The following NLK variants were observed in gnomAD, a reference collection of about 807,000 sequenced individuals.
NLK encodes the protein nemo like kinase.
Under a neutral mutation model 59.0 loss-of-function variants are expected in NLK, and 11 were observed. That is an observed-to-expected ratio of 0.19 (90% CI 0.12 to 0.31). The LOEUF (loss-of-function observed/expected upper bound fraction) is 0.31, where lower values mean the gene tolerates loss of function less well. NLK is among the 10% of genes least tolerant of loss of function. The probability of loss-of-function intolerance (pLI) is 1.00; values close to 1 mark genes in which losing one functional copy is unlikely to be tolerated. For synonymous variants in NLK, 235 were observed against 235.9 expected (o/e 1.00, Z 0.03); for missense variants, 410 against 661.1 (o/e 0.62, Z 4.16).
At chr17:28,201,135 A>G (rs1239954266), downstream of NLK, among the ~76,000 whole-genome samples, 1 of 152,156 alleles carries the variant, frequency 6.6e-6, no homozygotes, top group Non-Finnish European at 1.5e-5. Flanking sequence ...ACTGGCATGC[A>G]GTGGGTGTGA....
chr17:28,056,947 CTTTTTTTTTTTTT>C (rs934652705), intron 1 of NLK, among the ~76,000 whole-genome samples: 1 of 86,872 alleles, frequency 1.2e-5, no homozygotes, highest in African/African-American at 4.6e-5. Flanking sequence ...CATTACCTAC[CTTTTTTTTTTTTT>C]TTTTTTTTTT....
At chr17:28,057,717 A>G (rs1909489514) in intron 1 of NLK, among the ~76,000 whole-genome samples, 2 of 152,150 alleles carry the variant, frequency 1.3e-5, no homozygotes, top group Admixed American at 1.3e-4. Context: ...AATTACCCTA[A>G]TGCAGTCATA....
intron 1 of NLK, among the ~76,000 whole-genome samples, chr17:28,067,804 A>G (rs1909882396): frequency 6.6e-6 from 1 of 151,526 alleles, no homozygotes; most frequent in African/African-American, 2.4e-5. Context: ...GTGTCTCGGT[A>G]TTGTGATCCA....
intron 1 of NLK, among the ~76,000 whole-genome samples, chr17:28,099,860 G>A (rs545270760): frequency 3.3e-5 from 5 of 151,512 alleles, no homozygotes; most frequent in Middle Eastern, 3.4e-3. Context: ...TTACAGGCGT[G>A]AGCCACCGCG....
chr17:28,086,653 A>G (rs888494066), intron 1 of NLK, among the ~76,000 whole-genome samples: 1 of 151,738 alleles, frequency 6.6e-6, no homozygotes, highest in Non-Finnish European at 1.5e-5. Flanking sequence ...TCAAGATCTC[A>G]TGAGGTTGCA....
At chr17:28,066,091 G>C (rs1303507775) in intron 1 of NLK, among the ~76,000 whole-genome samples, 1 of 152,116 alleles carries the variant, frequency 6.6e-6, no homozygotes. Context: ...TTCTCTTCCA[G>C]TTTTTCCAGA....
intron 1 of NLK, among the ~76,000 whole-genome samples, chr17:28,119,554 T>C (rs1905930527): frequency 6.6e-6 from 1 of 152,306 alleles, no homozygotes; most frequent in East Asian, 1.9e-4. Context: ...TAAATCAATT[T>C]ATCTCATGTT....
chr17:28,078,073 C>G (rs1016656718), intron 1 of NLK, among the ~76,000 whole-genome samples: 5 of 151,964 alleles, frequency 3.3e-5, no homozygotes, highest in African/African-American at 4.8e-5. Context: ...CTTATAAATG[C>G]CTCTACTCAT....
intron 1 of NLK, among the ~76,000 whole-genome samples, chr17:28,109,397 T>A (rs1284692691): frequency 1.3e-5 from 2 of 152,210 alleles, no homozygotes; most frequent in African/African-American, 4.8e-5. Context: ...ATAATTTATA[T>A]ACCATCAAAT....
rs1213805150 is a variant in NLK at position 28,165,844 on chromosome 17, A to G, written c.837+2216A>G. Reference sequence around the variant, plus strand: ...CTCATATAAATATGAGAAAAAAATTATGTTCTTTCCTTTTGTTGGTTTGGT... The same window carrying G: ...CTCATATAAATATGAGAAAAAAATTGTGTTCTTTCCTTTTGTTGGTTTGGT... On this transcript the variant is annotated intron_variant, in intron 5 of 10. Coordinates refer to ENST00000407008, the MANE Select transcript of NLK (RefSeq NM_016231.5). 2.0e-5 allele frequency among the ~76,000 whole-genome samples: 3 copies of G among 152,102 alleles called. No homozygotes were observed. In the East Asian group the frequency reaches 5.8e-4, roughly 29 times the overall value.
downstream of NLK, among the ~76,000 whole-genome samples, chr17:28,199,096 A>ATAT (rs1348561105): frequency 6.6e-6 from 1 of 152,232 alleles, no homozygotes; most frequent in African/African-American, 2.4e-5. Context: ...CCAGTAGTTT[A>ATAT]TATGGTAGAC....
At position 28,172,627 on chromosome 17, in the gene NLK, A is replaced by T. The variant is rs774477849; in HGVS notation, c.1149+9A>T. ...GGGGTCCTCATAAACAGGTGAGAGG[A>T]GGGGGGAATCTTTTTCTGGTAACCA... is the stretch of plus-strand genomic sequence containing the variant. On this transcript the variant is annotated intron_variant, in intron 7 of 10. Transcript: ENST00000407008. 40 of 1,481,446 alleles carry T rather than the reference A, an allele frequency of 2.7e-5. No homozygotes were observed. The highest frequency in any genetic ancestry group is 3.5e-5 in the Non-Finnish European group (39 of 1,100,632). The allele number at this position is 1,481,446 out of a possible 1,614,324, so 91.8% of individuals were successfully genotyped here.
chr17:28,203,164 T>TACACACACACACACACACACACACAC, the NLK span, among the ~76,000 whole-genome samples: 226 of 136,990 alleles, frequency 1.6e-3, 2 homozygotes, highest in African/African-American at 5.2e-3. Context: ...TATACATACA[T>TACACACACACACACACACACACACAC]ACACACACAC....
At chr17:28,089,237 C>T (rs1302876127) in intron 1 of NLK, among the ~76,000 whole-genome samples, 1 of 152,170 alleles carries the variant, frequency 6.6e-6, no homozygotes, top group Non-Finnish European at 1.5e-5. Context: ...TCTTTCCCCA[C>T]CTTTCTCTTC....
In NLK at chr17:28,132,630, C is replaced by T; in HGVS notation, c.599C>T (p.Ala200Val). The change falls in exon 3 of 11, where the codon GCC (alanine) becomes GTC (valine). Residue 200 changes from alanine (A) to valine (V), a missense_variant. By Grantham distance (64) the Ala-to-Val change is moderately conservative. Coordinates refer to ENST00000407008, the MANE Select transcript of NLK (RefSeq NM_016231.5). ...TTTTCCTTTTCTCAGGTACTCTCTGCCCTTGACATACTCCAACCTCCACAC... is the reference window on the plus strand; with the variant it reads ...TTTTCCTTTTCTCAGGTACTCTCTGTCCTTGACATACTCCAACCTCCACAC... ...CFFKHDNVLS[A>V]LDILQPPHID... is the part of the protein sequence containing the mutation. 1 of 1,609,672 alleles carries T rather than the reference C, an allele frequency of 6.2e-7. No individual in the cohort carries two copies. Among genetic ancestry groups the T allele is most frequent in the Non-Finnish European group, 8.5e-7 (1 of 1,177,708 alleles).
At chr17:28,140,825 T>TA (rs1431508300) in intron 3 of NLK, among the ~76,000 whole-genome samples, 2 of 152,056 alleles carry the variant, frequency 1.3e-5, no homozygotes, top group African/African-American at 4.8e-5. Context: ...TGGGAAGACT[T>TA]ACCTGCAACT....
chr17:28,063,414 T>TTA, intron 1 of NLK, among the ~76,000 whole-genome samples: 1 of 152,264 alleles, frequency 6.6e-6, no homozygotes, highest in South Asian at 2.1e-4. Flanking sequence ...CGAGGATGAT[T>TTA]TATATATATA....
chr17:28,174,548 C>T (rs983236858), intron 7 of NLK, among the ~76,000 whole-genome samples: 2 of 152,120 alleles, frequency 1.3e-5, no homozygotes, highest in South Asian at 2.1e-4. Context: ...AGTCTTTAAA[C>T]GGCTTTTATC....
At position 28,085,751 on chromosome 17, in the gene NLK, AG is replaced by A. The variant is rs1460690021; in HGVS notation, c.459-36851del. Among the ~76,000 whole-genome samples, 978 of 152,246 alleles carry A rather than the reference AG, an allele frequency of 6.4e-3. 17 individuals are homozygous for A. Among genetic ancestry groups the A allele is most frequent in the African/African-American group, 0.022 (914 of 41,496 alleles). On this transcript the variant is annotated intron_variant, in intron 1 of 10. Transcript: ENST00000407008. ...GCAAGACCCAGTCTCAAGAAAAAAAAGAAAAAAGTAGAGCTGAAAGATTCCT... is the reference window on the plus strand; with the variant it reads ...GCAAGACCCAGTCTCAAGAAAAAAAAAAAAAAGTAGAGCTGAAAGATTCCT...
Sources: allele counts gnomAD v4.1 joint callset (sites outside exome capture counted in the v4.1 genomes callset), GRCh38; gene constraint gnomAD v4.1.1; transcripts MANE v1.5; gene names NCBI Gene and HGNC (gene_info 2026-07-23, HGNC 2026-07-21).